MYO3B: variants seen among roughly 807,000 people sequenced by gnomAD.
MYO3B encodes the protein myosin IIIB.
MYO3B carries 156 observed loss-of-function variants against 174.6 expected under a neutral mutation model. The ratio of observed to expected loss-of-function variants is 0.89; its 90% CI spans 0.78 to 1.02. The LOEUF (loss-of-function observed/expected upper bound fraction) is 1.02. Among genes scored for constraint, MYO3B ranks in the 50% least tolerant of loss-of-function variants. MYO3B has a pLI of 0.00. For missense variants in MYO3B, 1,632 were observed against 1,639.4 expected (o/e 1.00, Z 0.08); for synonymous variants, 563 against 569.1 (o/e 0.99, Z 0.15).
At chr2:170,454,819 A>C (rs1023765500) in intron 23 of MYO3B, among the ~76,000 whole-genome samples, 1 of 152,216 alleles carries the variant, frequency 6.6e-6, no homozygotes, top group African/African-American at 2.4e-5. Context: ...TATTACTAAA[A>C]TCAGAGAATT....
At chr2:170,580,718 A>ATGTGTGTGTG (rs59092368) in intron 32 of MYO3B, among the ~76,000 whole-genome samples, 3,447 of 142,718 alleles carry the variant, frequency 0.024, 42 homozygotes, top group Middle Eastern at 0.072. Context: ...AACCTTATAT[A>ATGTGTGTGTG]TGTGTGTGTG....
intron 32 of MYO3B, among the ~76,000 whole-genome samples, chr2:170,553,840 C>T (rs984301590): frequency 5.3e-5 from 8 of 152,112 alleles, no homozygotes; most frequent in Non-Finnish European, 1.0e-4. Context: ...GCGGATTTCC[C>T]CCTTGCTGTT....
In MYO3B at chr2:170,580,718, A is replaced by ATATATATATGTG. The variant is rs768974458; in HGVS notation, c.3733+36731_3733+36732insATATATATGTGT. ...CTTCAGGTCCCACAAAACCTTATAT[A>ATATATATATGTG]TGTGTGTGTGTGTGTGTGTGTGTGT... On this transcript the variant is annotated intron_variant, in intron 32 of 34. Coordinates refer to ENST00000408978, the MANE Select transcript of MYO3B (RefSeq NM_138995.5). 2.6e-3 allele frequency among the ~76,000 whole-genome samples: 373 copies of ATATATATATGTG among 142,772 alleles called. 2 individuals are homozygous for ATATATATATGTG. The highest frequency in any genetic ancestry group is 6.6e-3 in the African/African-American group (251 of 38,250). The allele number at this position is 142,772 out of a possible 152,430, so 93.7% of individuals were successfully genotyped here. A position where few individuals can be genotyped will look rare whatever the true frequency, so the allele number is the denominator to read the frequency against.
intron 7 of MYO3B, among the ~76,000 whole-genome samples, chr2:170,237,533 C>T (rs561735620): frequency 1.4e-5 from 2 of 141,204 alleles, no homozygotes; most frequent in Non-Finnish European, 3.1e-5. Context: ...GTGTTTTTGG[C>T]GGGGGGGAGG....
At chr2:170,497,006 C>T (rs1054976402) in intron 25 of MYO3B, among the ~76,000 whole-genome samples, 4 of 152,056 alleles carry the variant, frequency 2.6e-5, no homozygotes, top group Non-Finnish European at 5.9e-5. Context: ...CTTTTGGTAA[C>T]GATGGAGTTC....
chr2:170,540,612 G>T (rs184619580), intron 30 of MYO3B, among the ~76,000 whole-genome samples: 60 of 150,924 alleles, frequency 4.0e-4, no homozygotes, highest in African/African-American at 1.5e-3. Context: ...TGGTAGTGAC[G>T]GATTGCAGAG....
chr2:170,448,883 T>C (rs933330340), intron 23 of MYO3B, among the ~76,000 whole-genome samples: 1 of 152,110 alleles, frequency 6.6e-6, no homozygotes, highest in African/African-American at 2.4e-5. Flanking sequence ...GCAAAATAAA[T>C]TTTAGCCCTA....
At chr2:170,566,057 C>CA (rs1414681589) in intron 32 of MYO3B, among the ~76,000 whole-genome samples, 8 of 152,106 alleles carry the variant, frequency 5.3e-5, no homozygotes, top group African/African-American at 1.9e-4. Context: ...GTGAAGGCAA[C>CA]TTGAAATATT....
intron 32 of MYO3B, among the ~76,000 whole-genome samples, chr2:170,617,654 G>A (rs552058919): frequency 5.3e-5 from 8 of 152,240 alleles, no homozygotes; most frequent in African/African-American, 1.2e-4. Flanking sequence ...CTTTGGAGGC[G>A]CAACCCCTGC....
chr2:170,372,798 C>T (rs1243109155), intron 9 of MYO3B, among the ~76,000 whole-genome samples: 2 of 152,110 alleles, frequency 1.3e-5, no homozygotes, highest in African/African-American at 4.8e-5. Context: ...TTGAACTGCC[C>T]TGAAGAACAA....
At chr2:170,293,600 C>G (rs543745432) in intron 7 of MYO3B, among the ~76,000 whole-genome samples, 1 of 152,246 alleles carries the variant, frequency 6.6e-6, no homozygotes, top group South Asian at 2.1e-4. Context: ...TTTCAGTCTT[C>G]CAGCCAAAAA....
chr2:170,616,254 T>A (rs1695457974), intron 32 of MYO3B, among the ~76,000 whole-genome samples: 1 of 152,126 alleles, frequency 6.6e-6, no homozygotes, highest in African/African-American at 2.4e-5. Context: ...CCCTATCTTA[T>A]CCATACGGAC....
At chr2:170,650,599 C>A (rs1698927246) in intron 32 of MYO3B, among the ~76,000 whole-genome samples, 1 of 150,798 alleles carries the variant, frequency 6.6e-6, no homozygotes, top group Non-Finnish European at 1.5e-5. Flanking sequence ...ACTGCTGAAT[C>A]CTGATTCAGA....
intron 7 of MYO3B, among the ~76,000 whole-genome samples, chr2:170,261,427 C>A (rs2093345406): frequency 6.6e-6 from 1 of 152,184 alleles, no homozygotes. Context: ...GTGGCGAGCA[C>A]CTGTTGTCTT....
intron 7 of MYO3B, among the ~76,000 whole-genome samples, chr2:170,278,756 TC>T (rs569823773): frequency 1.2e-3 from 177 of 148,990 alleles, no homozygotes; most frequent in African/African-American, 4.1e-3. Context: ...CTCTTCCTTA[TC>T]CCCCTAACCC....
chr2:170,498,802 G>A, intron 26 of MYO3B, 99 bp downstream of exon 26: 1 of 761,128 alleles, frequency 1.3e-6, no homozygotes, highest in South Asian at 1.7e-5. Context: ...GTGTAGCTTA[G>A]CAAACAAGAC....
chr2:170,485,234 G>A (rs913043596), intron 25 of MYO3B, among the ~76,000 whole-genome samples: 17 of 151,998 alleles, frequency 1.1e-4, no homozygotes, highest in African/African-American at 4.1e-4. Flanking sequence ...ATTTTTAATT[G>A]TAAAAATAAT....
chr2:170,307,890 T>G (rs1486603297), intron 7 of MYO3B, among the ~76,000 whole-genome samples: 1 of 152,208 alleles, frequency 6.6e-6, no homozygotes, highest in East Asian at 1.9e-4. Flanking sequence ...ATGGGTGAAC[T>G]GTCATGGCTT....
At chr2:170,179,416 C>T (rs760904243) in intron 1 of MYO3B, among the ~76,000 whole-genome samples, 4 of 152,084 alleles carry the variant, frequency 2.6e-5, no homozygotes, top group Non-Finnish European at 5.9e-5. Context: ...TTTGAATGTC[C>T]CCTCCAAAGA....
Sources: gnomAD v4.1 joint callset for allele counts (sites outside exome capture counted in the v4.1 genomes callset) on GRCh38, gnomAD v4.1.1 for gene constraint, MANE v1.5 for transcripts, NCBI Gene and HGNC (gene_info 2026-07-23, HGNC 2026-07-21) for gene names.